The following UST variants were observed in gnomAD, a reference collection of about 807,000 sequenced individuals.
UST encodes the protein uronyl 2-sulfotransferase, also known as chondroitin sulfate 2-O-sulfotransferase.
A neutral mutation model predicts 45.6 loss-of-function variants in UST; 21 were observed. That is an observed-to-expected ratio of 0.46 (90% CI 0.33 to 0.66). The LOEUF is 0.66. Among genes scored for constraint, UST ranks in the 30% least tolerant of loss-of-function variants. The pLI is 0.02. For missense variants in UST, 463 were observed against 512.4 expected, an observed-to-expected ratio of 0.90 and a Z score of 0.93; for synonymous variants, 215 against 200.6, an observed-to-expected ratio of 1.07 and a Z score of -0.61.
At chr6:149,038,788 C>T (rs1459150060) in intron 7 of UST, among the ~76,000 whole-genome samples, 1 of 152,052 alleles carries the variant, frequency 6.6e-6, no homozygotes, top group East Asian at 1.9e-4. Flanking sequence ...CTCTGGATTG[C>T]CTTTCTTTGT....
rs566216810 is a variant in UST, at chr6:148,914,178, G to T, written c.292-27101G>T. On this transcript the variant is annotated intron_variant, in intron 2 of 7. Coordinates refer to ENST00000367463, the MANE Select transcript of UST (RefSeq NM_005715.3). ...GGTGCTGAATGTTTTCCATTGTACT[G>T]CATTAGGAGATACATAAGGTTTGGT... Among the ~76,000 whole-genome samples the T allele has an allele frequency of 2.6e-5, 4 of 152,204 alleles. No individual in the cohort carries two copies. The South Asian group carries it at 6.2e-4, about 24-fold the overall frequency.
chr6:148,892,751 C>A (rs905577292), intron 2 of UST, among the ~76,000 whole-genome samples: 3 of 152,054 alleles, frequency 2.0e-5, no homozygotes, highest in African/African-American at 7.2e-5. Context: ...TTATATTTTT[C>A]TATTACTTTA....
Position 148,790,861 on chromosome 6 carries a change from C to T in UST, c.247+43184C>T, listed in dbSNP as rs376875640. On this transcript the variant is annotated intron_variant, in intron 1 of 7. Transcript: ENST00000367463. This position sits in a 1 kb window ranked among gnomAD's most constrained non-coding sequence, Gnocchi z 4.2. ...AGGCTGAGCTCCGTTGCAGCTGCATCGCAGTTTGCCTTCTCTCTCTGCCCG... is the reference window on the plus strand; with the variant it reads ...AGGCTGAGCTCCGTTGCAGCTGCATTGCAGTTTGCCTTCTCTCTCTGCCCG... 2.0e-5 allele frequency among the ~76,000 whole-genome samples: 3 copies of T among 152,218 alleles called. No homozygotes were observed. Among genetic ancestry groups the T allele is most frequent in the South Asian group, 2.1e-4 (1 of 4,832 alleles).
chr6:148,849,641 G>A (rs1778067085), intron 1 of UST, among the ~76,000 whole-genome samples: 1 of 152,136 alleles, frequency 6.6e-6, no homozygotes, highest in Admixed American at 6.5e-5. Context: ...CCTTTTTACA[G>A]GGCAGCAGGA....
intron 3 of UST, among the ~76,000 whole-genome samples, chr6:148,944,263 T>G (rs1049426804): frequency 6.6e-6 from 1 of 152,138 alleles, no homozygotes; most frequent in Non-Finnish European, 1.5e-5. Context: ...CAATTCCACT[T>G]CAGGTGCAGT....
chr6:148,810,032 G>T (rs1430267784), intron 1 of UST, among the ~76,000 whole-genome samples: 2 of 152,140 alleles, frequency 1.3e-5, no homozygotes, highest in Admixed American at 1.3e-4. Context: ...CATCTTATCT[G>T]TTTTTCCCAC....
intron 1 of UST, among the ~76,000 whole-genome samples, chr6:148,789,451 TCTCA>T (rs758610272): frequency 0.021 from 2,727 of 132,874 alleles, 52 homozygotes; most frequent in African/African-American, 0.059. Context: ...TCTCTCTCTC[TCTCA>T]CACACACACA....
intron 5 of UST, among the ~76,000 whole-genome samples, chr6:148,985,247 G>C (rs1463555308): frequency 6.6e-6 from 1 of 152,164 alleles, no homozygotes; most frequent in Non-Finnish European, 1.5e-5. Context: ...TGAAGGTTGA[G>C]ATCATGTCTG....
At chr6:149,068,032 A>AT (rs1212705969) in intron 7 of UST, among the ~76,000 whole-genome samples, 2 of 151,544 alleles carry the variant, frequency 1.3e-5, no homozygotes, top group South Asian at 2.1e-4. Context: ...ATCGTGCCCA[A>AT]TTTTTTTTTA....
In UST at chr6:148,931,530, A is replaced by G. The variant is rs551877453; in HGVS notation, c.292-9749A>G. On this transcript the variant is annotated intron_variant, in intron 2 of 7. Transcript: ENST00000367463. Reference sequence around the variant, plus strand: ...ATGTAAAAAGCCAATCGAATTGATTAATACTAAAAATGGAACAACTGCAAA... The same window carrying G: ...ATGTAAAAAGCCAATCGAATTGATTGATACTAAAAATGGAACAACTGCAAA... Among the ~76,000 whole-genome samples the G allele has an allele frequency of 5.3e-5, 8 of 152,362 alleles. No individual in the cohort carries two copies. In the South Asian group the frequency reaches 1.4e-3, roughly 28 times the overall value.
chr6:148,926,311 AAATG>A (rs1779813473), intron 2 of UST, among the ~76,000 whole-genome samples: 1 of 152,258 alleles, frequency 6.6e-6, no homozygotes, highest in Non-Finnish European at 1.5e-5. Context: ...CCATTTTTAA[AAATG>A]AATAAAATTA....
chr6:149,068,016 G>A (rs1293873989), intron 7 of UST, among the ~76,000 whole-genome samples: 2 of 152,152 alleles, frequency 1.3e-5, no homozygotes, highest in Non-Finnish European at 2.9e-5. Flanking sequence ...ATTGGACCCA[G>A]AGATGATCGT....
chr6:148,945,598 A>G lies in UST; in HGVS notation c.447+4164A>G, dbSNP rs145916317. On this transcript the variant is annotated intron_variant, in intron 3 of 7. Transcript: ENST00000367463. ...AGTCCTCTAAGACATTGAAAGAAAA[A>G]AAATATTATGGTTCAATAAATTTGG... Among the ~76,000 whole-genome samples, 1,174 of 152,350 alleles carry G rather than the reference A, an allele frequency of 7.7e-3. 11 individuals are homozygous for G. Among genetic ancestry groups the G allele is most frequent in the Middle Eastern group, 0.024 (7 of 294 alleles).
chr6:148,966,080 C>T (rs1021468250), intron 5 of UST, among the ~76,000 whole-genome samples: 5 of 151,692 alleles, frequency 3.3e-5, no homozygotes, highest in African/African-American at 9.7e-5. Context: ...AAAAATTAGC[C>T]GAGCATGGTG....
intron 5 of UST, chr6:149,005,333 G>A (rs1242627934): frequency 1.1e-5 from 11 of 985,360 alleles, no homozygotes; most frequent in East Asian, 2.3e-4. Flanking sequence ...AGGGTTGAGC[G>A]GCCCTGGCTG....
rs562979609 is a variant in UST, at chr6:148,814,985, C to T, written c.247+67308C>T. On this transcript the variant is annotated intron_variant, in intron 1 of 7. Transcript: ENST00000367463. Reference sequence around the variant, plus strand: ...GTGCATATGTGAATGATAGGATATACGTTAATAGTTTGTAATAATAAAAGA... The same window carrying T: ...GTGCATATGTGAATGATAGGATATATGTTAATAGTTTGTAATAATAAAAGA... Among the ~76,000 whole-genome samples the T allele has an allele frequency of 3.4e-4, 52 of 152,066 alleles. 1 individual carries two copies. In the South Asian group the frequency reaches 7.7e-3, roughly 22 times the overall value.
At chr6:148,990,471 A>C (rs2486404) in intron 5 of UST, 871,264 of 917,618 alleles carry the variant, frequency 0.95, 414,106 homozygotes, top group African/African-American at 0.96. Context: ...TGACCTCTTT[A>C]ACGTGACACC....
At chr6:148,861,075 C>A (rs1283002060) in intron 1 of UST, among the ~76,000 whole-genome samples, 1 of 152,168 alleles carries the variant, frequency 6.6e-6, no homozygotes, top group Non-Finnish European at 1.5e-5. Flanking sequence ...GGAATGGTAC[C>A]AGCTCCTCTC....
intron 7 of UST, among the ~76,000 whole-genome samples, chr6:149,032,136 C>T (rs1186485913): frequency 1.3e-5 from 2 of 152,146 alleles, no homozygotes; most frequent in East Asian, 3.9e-4. Flanking sequence ...CTTTCTGTGG[C>T]GCAACCTGGC....
Sources: allele counts gnomAD v4.1 joint callset (sites outside exome capture counted in the v4.1 genomes callset), GRCh38; gene constraint gnomAD v4.1.1; non-coding constraint Gnocchi (gnomAD v3.1); transcripts MANE v1.5; gene names NCBI Gene and HGNC (gene_info 2026-07-23, HGNC 2026-07-21).